RUFY2: variants seen among roughly 807,000 people sequenced by gnomAD.
RUFY2 encodes RUN and FYVE domain-containing protein 2.
Under a neutral mutation model 94.4 loss-of-function variants are expected in RUFY2, and 49 were observed. That is an observed-to-expected ratio of 0.52 (90% CI 0.41 to 0.66). RUFY2 has a LOEUF of 0.66. Among genes scored for constraint, RUFY2 ranks in the 30% least tolerant of loss-of-function variants. RUFY2 has a pLI of 0.00. For synonymous variants in RUFY2, 255 were observed against 235.7 expected (o/e 1.08, Z -0.75); for missense variants, 541 against 692.8 (o/e 0.78, Z 2.46).
In RUFY2 at chr10:68,345,509, C is replaced by G. The variant is rs1424730709; in HGVS notation, c.*259G>C. 2 of 426,004 alleles carry G rather than the reference C, an allele frequency of 4.7e-6. No homozygotes were observed. The highest frequency in any genetic ancestry group is 4.1e-5 in the African/African-American group (2 of 48,836). 26.4% of individuals were successfully genotyped at this position (426,004 alleles called of 1,614,324 possible). A position where few individuals can be genotyped will look rare whatever the true frequency, so the allele number is the denominator to read the frequency against. On this transcript the variant is annotated 3_prime_UTR_variant, in exon 18 of 18. Coordinates refer to ENST00000602465, the MANE Select transcript of RUFY2 (RefSeq NM_001330103.2). ...TTTTTAAGGCCTTTACAAGATAAGG[C>G]AAGTTGTGTTAGCTCTGCTCTCTGG...
chr10:68,366,768 A>C (rs1335778315), intron 13 of RUFY2, among the ~76,000 whole-genome samples: 3 of 132,848 alleles, frequency 2.3e-5, no homozygotes, highest in African/African-American at 5.6e-5. Context: ...ATAATATTAA[A>C]TATATTAAAT....
chr10:68,394,597 G>A (rs12772075), intron 4 of RUFY2, 146 bp from the exon 5 acceptor site: 13,471 of 387,242 alleles, frequency 0.035, 310 homozygotes, highest in Non-Finnish European at 0.046. Flanking sequence ...CTTTATACGT[G>A]TGAATAACTT....
At chr10:68,354,404 G>A (rs1309103541) in intron 16 of RUFY2, among the ~76,000 whole-genome samples, 3 of 151,992 alleles carry the variant, frequency 2.0e-5, no homozygotes, top group African/African-American at 7.3e-5. Context: ...TTGAACTCCT[G>A]GCCTCAAGCA....
chr10:68,341,948 C>A (rs2045988847), downstream of RUFY2: 1 of 1,608,112 alleles, frequency 6.2e-7, no homozygotes, highest in Non-Finnish European at 8.5e-7. Context: ...ATATCTCCTG[C>A]TGAGTGATTC....
intron 13 of RUFY2, among the ~76,000 whole-genome samples, chr10:68,366,258 A>G (rs1651240409): frequency 7.4e-6 from 1 of 134,646 alleles, no homozygotes; most frequent in Admixed American, 8.8e-5. Flanking sequence ...TGGACCCGGG[A>G]GGCGGAGGTT....
chr10:68,379,229 A>G (rs1408582472), intron 12 of RUFY2, 195 bp downstream of exon 12: 1 of 452,826 alleles, frequency 2.2e-6, no homozygotes, highest in East Asian at 3.8e-5. Flanking sequence ...GACAACTTCA[A>G]ATGAATCAGC....
chr10:68,376,107 G>GAA (rs1037809301), intron 13 of RUFY2, among the ~76,000 whole-genome samples: 2 of 127,046 alleles, frequency 1.6e-5, no homozygotes, highest in African/African-American at 2.9e-5. Context: ...CATCTCGAAG[G>GAA]AAAAAAAAAA....
intron 16 of RUFY2, among the ~76,000 whole-genome samples, chr10:68,352,234 T>C (rs553196409): frequency 6.6e-6 from 1 of 152,258 alleles, no homozygotes; most frequent in African/African-American, 2.4e-5. Flanking sequence ...GCACTGGGGT[T>C]ACAGGTATGA....
At chr10:68,352,873 TCG>T (rs2046781715) in intron 16 of RUFY2, among the ~76,000 whole-genome samples, 2 of 150,832 alleles carry the variant, frequency 1.3e-5, no homozygotes, top group Non-Finnish European at 3.0e-5. Flanking sequence ...TGAGTCAAGA[TCG>T]TGCCACTACA....
At chr10:68,405,812 G>T in intron 1 of RUFY2, 1 of 580,502 alleles carries the variant, frequency 1.7e-6, no homozygotes, top group Non-Finnish European at 2.2e-6. Context: ...TTACATTAAT[G>T]TTCCTCACCC....
chr10:68,345,860 C>T lies in RUFY2; in HGVS notation c.1729G>A (p.Glu577Lys), dbSNP rs752429335. Reference protein sequence around the residue: ...EIFCNACSDNELPLPSSPKPV... With the variant: ...EIFCNACSDNKLPLPSSPKPV... Reference sequence around the variant, plus strand: ...TTTGGTGAAGAAGGCAAAGGTAGTTCGTTGTCAGAGCAGGCATTACAGAAA... The same window carrying T: ...TTTGGTGAAGAAGGCAAAGGTAGTTTGTTGTCAGAGCAGGCATTACAGAAA... Residue 577 changes from glutamate (E) to lysine (K), a missense_variant, in exon 18 of 18, where the codon GAA becomes AAA. Physicochemically the swap from Glu to Lys is moderately conservative, Grantham distance 56. Coordinates refer to ENST00000602465, the MANE Select transcript of RUFY2 (RefSeq NM_001330103.2). 16 of 1,613,932 alleles carry T rather than the reference C, an allele frequency of 9.9e-6. No homozygotes were observed. The highest frequency in any genetic ancestry group is 2.7e-5 in the African/African-American group (2 of 74,902).
At chr10:68,374,436 T>C (rs190878831) in intron 13 of RUFY2, among the ~76,000 whole-genome samples, 10 of 152,224 alleles carry the variant, frequency 6.6e-5, no homozygotes, top group African/African-American at 1.7e-4. Context: ...GTACATCATA[T>C]AATGACAAAA....
chr10:68,383,734 T>A, intron 10 of RUFY2, 64 bp downstream of exon 10: 1 of 1,117,726 alleles, frequency 8.9e-7, no homozygotes. Context: ...TTTTAAATGG[T>A]GCTTGCTTGA....
chr10:68,372,572 C>T (rs1238564493), intron 13 of RUFY2, among the ~76,000 whole-genome samples: 11 of 141,836 alleles, frequency 7.8e-5, no homozygotes, highest in African/African-American at 2.9e-4. Flanking sequence ...AGAGTGAGAC[C>T]CCTCTCTCTT....
chr10:68,386,463 C>T (rs1289602485), intron 7 of RUFY2, among the ~76,000 whole-genome samples: 2 of 152,154 alleles, frequency 1.3e-5, no homozygotes, highest in Non-Finnish European at 2.9e-5. Context: ...TATTCTTCTG[C>T]CTCAGCCTCC....
chr10:68,382,007 G>A (rs1055016627), intron 10 of RUFY2, among the ~76,000 whole-genome samples: 5 of 151,164 alleles, frequency 3.3e-5, no homozygotes, highest in Admixed American at 1.3e-4. Context: ...GAAGCAGTCT[G>A]TACATGTAAA....
intron 3 of RUFY2, among the ~76,000 whole-genome samples, chr10:68,399,424 T>C (rs1433320846): frequency 6.6e-6 from 1 of 152,182 alleles, no homozygotes; most frequent in Non-Finnish European, 1.5e-5. Flanking sequence ...GCATTTATTT[T>C]TCACATCTAT....
intron 7 of RUFY2, among the ~76,000 whole-genome samples, chr10:68,391,993 CAA>C (rs1474562170): frequency 6.6e-6 from 1 of 151,080 alleles, no homozygotes; most frequent in Non-Finnish European, 1.5e-5. Context: ...AACAAACAAA[CAA>C]AAAAACTATG....
intron 3 of RUFY2, 130 bp downstream of exon 3, chr10:68,401,490 T>G: frequency 1.6e-6 from 1 of 621,718 alleles, no homozygotes. Context: ...GAACATAATT[T>G]TATTATAAGA....
Sources: gnomAD v4.1 joint callset for allele counts (sites outside exome capture counted in the v4.1 genomes callset) on GRCh38, gnomAD v4.1.1 for gene constraint, MANE v1.5 for transcripts, NCBI Gene and HGNC (gene_info 2026-07-23, HGNC 2026-07-21) for gene names.